The following TCF4 variants were observed in gnomAD, a reference collection of about 807,000 sequenced individuals.
TCF4 encodes the protein SL3-3 enhancer factor 2.
A neutral mutation model predicts 82.1 loss-of-function variants in TCF4; 3 were observed. That is an observed-to-expected ratio of 0.04 (90% confidence interval 0.02 to 0.09). The LOEUF (loss-of-function observed/expected upper bound fraction) is 0.09. Among genes scored for constraint, TCF4 ranks in the 10% least tolerant of loss-of-function variants. TCF4 has a pLI of 1.00. For missense variants in TCF4, 518 were observed against 852.7 expected (o/e 0.61, Z 4.89); for synonymous variants, 276 against 309.6 (o/e 0.89, Z 1.14).
In TCF4 at chr18:55,633,316, C is replaced by T. The variant is rs560864616; in HGVS notation, c.196-1928G>A. On this transcript the variant is annotated intron_variant, in intron 1 of 20. Transcript: ENST00000398339. The surrounding 1 kb of genome is among the most constrained non-coding windows in gnomAD (Gnocchi z 4.0). ...TTGGTGCTGGCTGTTGGCAGGAGGC[C>T]TCAGCTTCTCTCCATGTGGGACTCG... Among the ~76,000 whole-genome samples the T allele has an allele frequency of 6.6e-6, 1 of 152,268 alleles. No homozygotes were observed. Among genetic ancestry groups the T allele is most frequent in the East Asian group, 1.9e-4 (1 of 5,170 alleles).
chr18:55,505,143 G>C (rs2096739984), intron 3 of TCF4, among the ~76,000 whole-genome samples: 1 of 152,136 alleles, frequency 6.6e-6, no homozygotes, highest in Admixed American at 6.5e-5. Flanking sequence ...AAACACAGCA[G>C]ATGGTAACTC....
At chr18:55,511,539 C>T (rs2096829346) in intron 3 of TCF4, among the ~76,000 whole-genome samples, 1 of 152,044 alleles carries the variant, frequency 6.6e-6, no homozygotes, top group Non-Finnish European at 1.5e-5. Context: ...GTACCAAGTA[C>T]TTTAACAACA....
chr18:55,322,087 CTTTTCT>C, intron 8 of TCF4: 2 of 1,031,474 alleles, frequency 1.9e-6, no homozygotes, highest in Non-Finnish European at 1.2e-6. Context: ...TTTTCTTTTT[CTTTTCT>C]TTTTTTTTTT....
chr18:55,521,920 T>C (rs990872536), intron 3 of TCF4, among the ~76,000 whole-genome samples: 1 of 152,158 alleles, frequency 6.6e-6, no homozygotes, highest in African/African-American at 2.4e-5. Context: ...CCTCTGGCTT[T>C]AGACTTGAGA....
chr18:55,416,225 T>A (rs973130493), intron 5 of TCF4, among the ~76,000 whole-genome samples: 1 of 152,138 alleles, frequency 6.6e-6, no homozygotes, highest in East Asian at 1.9e-4. Flanking sequence ...TCCAAGCTTG[T>A]TGAAACAATA....
chr18:55,300,121 CACA>C lies in TCF4; in HGVS notation c.550-20468_550-20466del, dbSNP rs199910713. ...ATATACACACACACACACACACACA[CACA>C]CCCCACATTAATCTCTATTGCTGCT... On this transcript the variant is annotated intron_variant, in intron 8 of 19. Coordinates refer to ENST00000354452, the MANE Select transcript of TCF4 (RefSeq NM_001083962.2). 1.4e-3 allele frequency among the ~76,000 whole-genome samples: 216 copies of C among 151,976 alleles called. 2 individuals are homozygous for C. The highest frequency in any genetic ancestry group is 4.8e-3 in the African/African-American group (197 of 41,348).
chr18:55,429,044 AT>A (rs1569462798), intron 5 of TCF4, among the ~76,000 whole-genome samples: 2 of 152,372 alleles, frequency 1.3e-5, no homozygotes, highest in Admixed American at 1.3e-4. Context: ...CATATTAAAT[AT>A]ATTTTGTCAA....
chr18:55,628,957 T>A (rs1459871204), intron 2 of TCF4, among the ~76,000 whole-genome samples: 4 of 152,142 alleles, frequency 2.6e-5, no homozygotes, highest in Admixed American at 1.3e-4. Context: ...TTCAAAAGAA[T>A]TGAGAACACA....
rs188863892 is a variant in TCF4 at position 55,486,697 on chromosome 18, G to A, written c.146-22560C>T. ...GTGTGGCCAGAGAACAGGTGAAATC[G>A]TAGAGCCCAGGTAGCAAAGGGTAAC... On this transcript the variant is annotated intron_variant, in intron 3 of 19. Transcript: ENST00000354452. Among the ~76,000 whole-genome samples, 239 of 152,244 alleles carry A rather than the reference G, an allele frequency of 1.6e-3. 1 individual carries two copies. The highest frequency in any genetic ancestry group is 6.0e-3 in the South Asian group (29 of 4,820).
intron 6 of TCF4, among the ~76,000 whole-genome samples, chr18:55,362,987 A>G (rs563755308): frequency 1.8e-4 from 28 of 152,344 alleles, no homozygotes; most frequent in African/African-American, 6.0e-4. Flanking sequence ...ATTTCCCAGG[A>G]AAGTATTTGC....
At chr18:55,270,095 TA>T in intron 10 of TCF4, 132 bp from the exon 11 acceptor site, 1 of 1,158,298 alleles carries the variant, frequency 8.6e-7, no homozygotes, top group Non-Finnish European at 1.3e-6. Context: ...TAGCCAAGAA[TA>T]TATCTTGTTT....
At chr18:55,473,734 CTTAA>C (rs2096234742) in intron 3 of TCF4, among the ~76,000 whole-genome samples, 1 of 152,180 alleles carries the variant, frequency 6.6e-6, no homozygotes, top group Admixed American at 6.5e-5. Flanking sequence ...AATGAGAAGG[CTTAA>C]TTAAGTAACA....
intron 3 of TCF4, among the ~76,000 whole-genome samples, chr18:55,542,086 T>C (rs1187493592): frequency 6.6e-6 from 1 of 152,006 alleles, no homozygotes; most frequent in Non-Finnish European, 1.5e-5. Context: ...TATCTATAAA[T>C]GTGAATGTGT....
intron 3 of TCF4, among the ~76,000 whole-genome samples, chr18:55,578,715 A>T (rs2097550373): frequency 6.6e-6 from 1 of 152,084 alleles, no homozygotes; most frequent in South Asian, 2.1e-4. Context: ...ACGTACAAAT[A>T]CGGCTGCACA....
Position 55,226,803 on chromosome 18 carries a change from T to C in TCF4, c.*1232A>G, listed in dbSNP as rs2046655205. 1 of 152,634 alleles carries C rather than the reference T, an allele frequency of 6.6e-6. No homozygotes were observed. Among genetic ancestry groups the C allele is most frequent in the African/African-American group, 2.4e-5 (1 of 41,452 alleles). The allele number at this position is 152,634 out of a possible 1,614,324, so 9.5% of individuals were successfully genotyped here. On this transcript the variant is annotated 3_prime_UTR_variant, in exon 20 of 20. Coordinates refer to ENST00000354452, the MANE Select transcript of TCF4 (RefSeq NM_001083962.2). ...TACTTGTTTTTTTTGTTTTTGTTTT[T>C]TTCCAAAAATCTGACCATGTATTCA...
intron 17 of TCF4, chr18:55,231,039 G>A (rs2144531487): frequency 6.6e-6 from 1 of 152,414 alleles, no homozygotes; most frequent in East Asian, 1.9e-4. Flanking sequence ...AAACATGGAA[G>A]TCAACTGAGT....
chr18:55,260,285 C>T (rs567995456), intron 12 of TCF4, among the ~76,000 whole-genome samples: 6 of 152,262 alleles, frequency 3.9e-5, no homozygotes, highest in East Asian at 1.9e-4. Flanking sequence ...ACCAACTCTT[C>T]GTTCCTACTG....
chr18:55,282,338 T>G (rs2062794330), intron 8 of TCF4, among the ~76,000 whole-genome samples: 1 of 152,080 alleles, frequency 6.6e-6, no homozygotes, highest in African/African-American at 2.4e-5. Context: ...GGTACTTTTT[T>G]TTAGAATGGT....
intron 8 of TCF4, among the ~76,000 whole-genome samples, chr18:55,284,692 G>T (rs79299399): frequency 6.6e-6 from 1 of 152,124 alleles, no homozygotes; most frequent in Non-Finnish European, 1.5e-5. Flanking sequence ...TCACTGAAAC[G>T]TTGTAATTGA....
Sources: gnomAD v4.1 joint callset for allele counts (sites outside exome capture counted in the v4.1 genomes callset) on GRCh38, gnomAD v4.1.1 for gene constraint, Gnocchi (gnomAD v3.1) non-coding constraint, MANE v1.5 for transcripts, NCBI Gene and HGNC (gene_info 2026-07-23, HGNC 2026-07-21) for gene names.